Variants in THRB observed in about 807,000 individuals in gnomAD.
THRB encodes the protein nuclear receptor subfamily 1 group A member 2.
Under a neutral mutation model 47.8 loss-of-function variants are expected in THRB, and 12 were observed. The ratio of observed to expected loss-of-function variants is 0.25; its 90% CI spans 0.16 to 0.41. The LOEUF (loss-of-function observed/expected upper bound fraction) is 0.41. THRB is among the 10% of genes least tolerant of loss of function. The pLI is 1.00. For missense variants in THRB, 348 were observed against 589.2 expected (o/e 0.59, Z 4.24); for synonymous variants, 218 against 212.2 (o/e 1.03, Z -0.24).
At chr3:24,226,043 A>G (rs2047621516) in intron 4 of THRB, among the ~76,000 whole-genome samples, 1 of 152,166 alleles carries the variant, frequency 6.6e-6, no homozygotes, top group African/African-American at 2.4e-5. Context: ...TTTAATAAGC[A>G]TTGCGGTTGA....
At chr3:24,202,565 T>C (rs1419911230) in intron 4 of THRB, among the ~76,000 whole-genome samples, 3 of 152,200 alleles carry the variant, frequency 2.0e-5, no homozygotes, top group Non-Finnish European at 4.4e-5. Flanking sequence ...ACCAAGGTCA[T>C]GAAGAATCAA....
intron 1 of THRB, among the ~76,000 whole-genome samples, chr3:24,469,593 T>C (rs1055893631): frequency 6.6e-6 from 1 of 152,224 alleles, no homozygotes; most frequent in Non-Finnish European, 1.5e-5. Context: ...GAAATATCTA[T>C]GAAAATGATT....
chr3:24,447,956 G>C (rs757349546), intron 1 of THRB, among the ~76,000 whole-genome samples: 35 of 152,078 alleles, frequency 2.3e-4, no homozygotes, highest in Middle Eastern at 3.4e-3. Flanking sequence ...CACTTCATTT[G>C]GTAATTATTT....
intron 5 of THRB, among the ~76,000 whole-genome samples, chr3:24,178,629 A>G (rs1032905210): frequency 6.6e-5 from 10 of 152,342 alleles, no homozygotes; most frequent in East Asian, 3.9e-4. Flanking sequence ...CCAGACTAAC[A>G]TGAACCTGGA....
chr3:24,208,468 C>G (rs1430504682), intron 4 of THRB, among the ~76,000 whole-genome samples: 1 of 152,172 alleles, frequency 6.6e-6, no homozygotes, highest in East Asian at 1.9e-4. Context: ...GCTACAGTAA[C>G]CAAAACAGCA....
In THRB at chr3:24,494,752, C is replaced by G. The variant is rs1467969666; in HGVS notation, c.-361G>C. 6.6e-6 allele frequency: 1 copy of G among 152,130 alleles called. No individual in the cohort carries two copies. The highest frequency in any genetic ancestry group is 1.5e-5 in the Non-Finnish European group (1 of 68,076). 9.4% of individuals were successfully genotyped at this position (152,130 alleles called of 1,614,324 possible). A position where few individuals can be genotyped will look rare whatever the true frequency, so the allele number is the denominator to read the frequency against. ...GGAAGGTAGCCTGCGGGCTCTTGCC[C>G]CGAGCCCGCGGAGCAGGAGGTCTCT... On this transcript the variant is annotated 5_prime_UTR_variant, in exon 1 of 11. Coordinates refer to ENST00000646209, the MANE Select transcript of THRB (RefSeq NM_001354712.2).
At chr3:24,251,106 T>C (rs916543416) in intron 3 of THRB, among the ~76,000 whole-genome samples, 2 of 152,090 alleles carry the variant, frequency 1.3e-5, no homozygotes, top group Admixed American at 6.5e-5. Context: ...TAAACAACTC[T>C]TTGTCAAAGA....
chr3:24,164,009 T>G (rs2039278219), intron 5 of THRB, among the ~76,000 whole-genome samples: 1 of 152,146 alleles, frequency 6.6e-6, no homozygotes, highest in Admixed American at 6.6e-5. Flanking sequence ...GAAATTTACC[T>G]TTGAGGATCA....
intron 3 of THRB, among the ~76,000 whole-genome samples, chr3:24,260,679 C>T (rs2051868477): frequency 6.6e-6 from 1 of 152,300 alleles, no homozygotes; most frequent in African/African-American, 2.4e-5. Flanking sequence ...AGGTCACTGA[C>T]TCTTCCATTC....
At chr3:24,280,197 T>C (rs1180646743) in intron 3 of THRB, among the ~76,000 whole-genome samples, 2 of 152,114 alleles carry the variant, frequency 1.3e-5, no homozygotes, top group African/African-American at 2.4e-5. Flanking sequence ...CCATCTGAAA[T>C]TTGAAGAGAG....
At chr3:24,193,474 G>A (rs966684145) in intron 4 of THRB, among the ~76,000 whole-genome samples, 14 of 152,294 alleles carry the variant, frequency 9.2e-5, no homozygotes, top group South Asian at 4.1e-4. Flanking sequence ...TTGAATAAGC[G>A]TGTAGTTTCT....
At chr3:24,267,554 C>G (rs1003521868) in intron 3 of THRB, among the ~76,000 whole-genome samples, 2 of 152,150 alleles carry the variant, frequency 1.3e-5, no homozygotes, top group Admixed American at 1.3e-4. Flanking sequence ...GCAAAGAACC[C>G]TGCTAAGTCA....
intron 3 of THRB, among the ~76,000 whole-genome samples, chr3:24,277,661 T>G (rs1465294494): frequency 6.6e-6 from 1 of 152,222 alleles, no homozygotes; most frequent in Non-Finnish European, 1.5e-5. Flanking sequence ...ACCAAAGTTA[T>G]ATTTATGTCA....
At chr3:24,353,427 G>A (rs766837620) in intron 1 of THRB, among the ~76,000 whole-genome samples, 7 of 152,076 alleles carry the variant, frequency 4.6e-5, no homozygotes, top group East Asian at 1.9e-4. Context: ...AATGAAGGTC[G>A]CACAAAGAAA....
intron 1 of THRB, among the ~76,000 whole-genome samples, chr3:24,427,976 A>G (rs1242668680): frequency 6.6e-6 from 1 of 152,010 alleles, no homozygotes; most frequent in Non-Finnish European, 1.5e-5. Context: ...GAAGGTTTGC[A>G]TACTTGCTCC....
intron 1 of THRB, among the ~76,000 whole-genome samples, chr3:24,411,693 G>A (rs960486110): frequency 4.0e-5 from 6 of 151,700 alleles, no homozygotes; most frequent in African/African-American, 1.5e-4. Context: ...GCAATACCTG[G>A]GAACATTTTT....
At chr3:24,173,988 T>A (rs1189179336) in intron 5 of THRB, among the ~76,000 whole-genome samples, 1 of 152,214 alleles carries the variant, frequency 6.6e-6, no homozygotes, top group Non-Finnish European at 1.5e-5. Context: ...AACATCACAA[T>A]AGTCCTACAG....
intron 3 of THRB, among the ~76,000 whole-genome samples, chr3:24,281,348 G>C (rs1052807875): frequency 1.3e-5 from 2 of 151,236 alleles, no homozygotes; most frequent in Non-Finnish European, 3.0e-5. Flanking sequence ...AGCTTCATAA[G>C]TGAAGGAGAA....
intron 5 of THRB, among the ~76,000 whole-genome samples, chr3:24,188,858 A>AATATATATAT (rs34740399): frequency 0.011 from 1,023 of 94,254 alleles, 115 homozygotes; most frequent in African/African-American, 0.054. Flanking sequence ...GATCTCCTCA[A>AATATATATAT]ATATATATAT....
Sources: allele counts gnomAD v4.1 joint callset (sites outside exome capture counted in the v4.1 genomes callset), GRCh38; gene constraint gnomAD v4.1.1; transcripts MANE v1.5; gene names NCBI Gene and HGNC (gene_info 2026-07-23, HGNC 2026-07-21).